The following OGA variants were observed in gnomAD, a reference collection of about 807,000 sequenced individuals.
OGA encodes the protein O-GlcNAcase.
OGA carries 21 observed loss-of-function variants against 102.0 expected under a neutral mutation model. The observed-to-expected ratio is 0.21, with a 90% CI of 0.15 to 0.30. OGA has a LOEUF of 0.30. Ranked by LOEUF, OGA falls within the 10% of genes least tolerant of loss-of-function variation. The probability of loss-of-function intolerance (pLI) is 1.00; values close to 1 mark genes in which losing one functional copy is unlikely to be tolerated. For missense variants in OGA, 765 were observed against 1,107.8 expected (o/e 0.69, Z 4.39); for synonymous variants, 408 against 378.2 (o/e 1.08, Z -0.91).
Position 101,786,594 on chromosome 10 carries a change from A to G in OGA, c.2615-7T>C. ...CAGAAAGCTCCCCGGGAGCCTAGAA[A>G]TAAAACAAATATTCAAAACATAAAT... On this transcript the variant is annotated splice_polypyrimidine_tract_variant and splice_region_variant and intron_variant, in intron 15 of 15. Coordinates refer to ENST00000361464, the MANE Select transcript of OGA (RefSeq NM_012215.5). 1 of 1,574,836 alleles carries G rather than the reference A, an allele frequency of 6.3e-7. No individual in the cohort carries two copies. The highest frequency in any genetic ancestry group is 1.4e-5 in the African/African-American group (1 of 72,996).
rs141270536 is a variant in OGA at position 101,792,937 on chromosome 10, G to A, written c.2077C>T (p.Leu693=). ...AGATCATTTGCCCCATCAATTGGCA[G>A]CAAACGCTGTGGGAAGAAAAAAAAG... ...GGLAGEFQRL[L]PIDGANDLFF... is the part of the protein sequence containing the mutation. Residue 693 remains leucine, a synonymous_variant, in exon 12 of 16, where the codon CTG becomes TTG. Coordinates refer to ENST00000361464, the MANE Select transcript of OGA (RefSeq NM_012215.5). The A allele has an allele frequency of 1.9e-6, 3 of 1,613,052 alleles. No homozygotes were observed. In the African/African-American group the frequency reaches 4.0e-5, roughly 22 times the overall value.
intron 1 of OGA, 24 bp downstream of exon 1, chr10:101,817,800 C>T (rs763271584): frequency 6.5e-7 from 1 of 1,535,428 alleles, no homozygotes; most frequent in South Asian, 1.2e-5. Context: ...AGTGCCAAAA[C>T]GGGGAGGGAA....
chr10:101,802,678 A>T (rs1423814514), intron 7 of OGA, among the ~76,000 whole-genome samples: 1 of 151,884 alleles, frequency 6.6e-6, no homozygotes, highest in Non-Finnish European at 1.5e-5. Flanking sequence ...TCAAAAAGAA[A>T]AAAAAAAAAC....
In OGA at chr10:101,805,140, G is replaced by A. The variant is rs1024328083; in HGVS notation, c.751+905C>T. 5.3e-5 allele frequency among the ~76,000 whole-genome samples: 8 copies of A among 151,210 alleles called. No homozygotes were observed. The South Asian group carries it at 1.5e-3, about 28-fold the overall frequency. On this transcript the variant is annotated intron_variant, in intron 6 of 15. Transcript: ENST00000361464. The stretch of plus-strand genomic sequence containing the variant: ...CAGCCTCTACCTCCCGGGCTCAAGT[G>A]ATCCTTCCACCTCAGCCCCCTAAGT...
chr10:101,793,681 T>A, intron 11 of OGA: 3 of 426,928 alleles, frequency 7.0e-6, no homozygotes, highest in South Asian at 4.9e-5. Flanking sequence ...ATGTGAAGTG[T>A]ATACCTAGAG....
chr10:101,787,337 C>T (rs935802597), intron 15 of OGA, 27 bp downstream of exon 15: 3 of 1,550,530 alleles, frequency 1.9e-6, no homozygotes, highest in Non-Finnish European at 2.6e-6. Flanking sequence ...TGCCCAAATA[C>T]CACCAACTCC....
Position 101,798,063 on chromosome 10 carries a change from C to G in OGA, c.1901G>C (p.Arg634Thr), listed in dbSNP as rs765200584. The change falls in exon 10 of 16, where the codon AGG becomes ACG. Residue 634 changes from arginine to threonine, a missense_variant. Coordinates refer to ENST00000361464, the MANE Select transcript of OGA (RefSeq NM_012215.5). ...GGAGTACATGTCATAAAGAATTGTC[C>G]TGTTGGCACAATTGGAGAGCCGAGT... Reference protein sequence around the residue: ...MFTRLSNCANRTILYDMYSYV... With the variant: ...MFTRLSNCANTTILYDMYSYV... 6 of 1,613,922 alleles carry G rather than the reference C, an allele frequency of 3.7e-6. No homozygotes were observed. The Admixed American group carries it at 1.0e-4, about 27-fold the overall frequency.
Position 101,792,824 on chromosome 10 carries a change from T to C in OGA, c.2175+15A>G, listed in dbSNP as rs188694073. On this transcript the variant is annotated intron_variant, in intron 12 of 15. Coordinates refer to ENST00000361464, the MANE Select transcript of OGA (RefSeq NM_012215.5). ...CATACCCATACACCAAGTTGGTAGG[T>C]AGAGAGACAATTACCTCATCCTTAG... 3.2e-6 allele frequency: 5 copies of C among 1,547,436 alleles called. No individual in the cohort carries two copies. The highest frequency in any genetic ancestry group is 2.2e-5 in the South Asian group (2 of 89,632).
chr10:101,806,266 G>A (rs545812604), intron 5 of OGA, 123 bp from the exon 6 acceptor site: 73 of 567,420 alleles, frequency 1.3e-4, no homozygotes, highest in South Asian at 8.9e-4. Context: ...GCAGTGGCAC[G>A]ATCTCGGCTC....
At chr10:101,790,398 G>A (rs2065245843) in intron 14 of OGA, among the ~76,000 whole-genome samples, 2 of 149,336 alleles carry the variant, frequency 1.3e-5, no homozygotes, top group Non-Finnish European at 3.0e-5. Context: ...TCAGCCTCCT[G>A]AGTAGCTGGC....
In OGA at chr10:101,785,506, T is replaced by C. The variant is rs1373554752; in HGVS notation, c.*945A>G. 2 of 152,634 alleles carry C rather than the reference T, an allele frequency of 1.3e-5. No individual in the cohort carries two copies. Among genetic ancestry groups the C allele is most frequent in the Non-Finnish European group, 2.9e-5 (2 of 68,044 alleles). The allele number at this position is 152,634 out of a possible 1,614,324, so 9.5% of individuals were successfully genotyped here. A position where few individuals can be genotyped will look rare whatever the true frequency, so the allele number is the denominator to read the frequency against. ...TAATATTGAGGTTAATTTCCAGAAG[T>C]AACTGCACTTTTCAACAGATTAAGT... On this transcript the variant is annotated 3_prime_UTR_variant, in exon 16 of 16. Transcript: ENST00000361464.
chr10:101,785,315 C>A lies in OGA; in HGVS notation c.*1136G>T, dbSNP rs1228375114. 1 of 152,326 alleles carries A rather than the reference C, an allele frequency of 6.6e-6. No homozygotes were observed. Among genetic ancestry groups the A allele is most frequent in the Non-Finnish European group, 1.5e-5 (1 of 68,042 alleles). 9.4% of individuals were successfully genotyped at this position (152,326 alleles called of 1,614,324 possible). A position where few individuals can be genotyped will look rare whatever the true frequency, so the allele number is the denominator to read the frequency against. ...TGTAAATAACTGGTTAAAGTGTGCT[C>A]ATTCATTCAGAAATTAGATACAAAC... is the stretch of plus-strand genomic sequence containing the variant. On this transcript the variant is annotated 3_prime_UTR_variant, in exon 16 of 16. Transcript: ENST00000361464.
In OGA at chr10:101,818,053, G is replaced by T; in HGVS notation, c.-31C>A. The T allele has an allele frequency of 1.3e-6, 2 of 1,536,492 alleles. No homozygotes were observed. Among genetic ancestry groups the T allele is most frequent in the Non-Finnish European group, 1.8e-6 (2 of 1,137,650 alleles). On this transcript the variant is annotated 5_prime_UTR_variant, in exon 1 of 16. Transcript: ENST00000361464. ...TGCCCCCGGCCGCTGCCACCTCTGC[G>T]GGTCCTCCTCGACCTCTGTCCGTTG...
At position 101,813,591 on chromosome 10, in the gene OGA, G is replaced by T; in HGVS notation, c.215C>A (p.Pro72His). 1 of 1,556,752 alleles carries T rather than the reference G, an allele frequency of 6.4e-7. No homozygotes were observed. Among genetic ancestry groups the T allele is most frequent in the Non-Finnish European group, 8.8e-7 (1 of 1,135,888 alleles). Residue 72 changes from proline (P) to histidine (H), a missense_variant, in exon 2 of 16, where the codon CCT becomes CAT. This residue lies in a region of OGA where 165 missense variants were observed against 249.7 expected (regional missense o/e 0.66). Coordinates refer to ENST00000361464, the MANE Select transcript of OGA (RefSeq NM_012215.5). The part of the protein sequence containing the change: ...CGVVEGFYGR[P>H]WVMEQRKELF... ...TTCTTTTCTCTGTTCCATAACCCAA[G>T]GTCTTCCATAAAATCCTAGATTCAA...
At position 101,786,172 on chromosome 10, in the gene OGA, C is replaced by A; in HGVS notation, c.*279G>T. On this transcript the variant is annotated 3_prime_UTR_variant, in exon 16 of 16. Coordinates refer to ENST00000361464, the MANE Select transcript of OGA (RefSeq NM_012215.5). Reference sequence around the variant, plus strand: ...GCTGACTACATTTATTGAAGACTCTCTCCCTGTATAAGCCCATGTAAAAGG... The same window carrying A: ...GCTGACTACATTTATTGAAGACTCTATCCCTGTATAAGCCCATGTAAAAGG... The A allele has an allele frequency of 3.9e-6, 1 of 259,270 alleles. No individual in the cohort carries two copies. The highest frequency in any genetic ancestry group is 7.2e-6 in the Non-Finnish European group (1 of 138,490). 16.1% of individuals were successfully genotyped at this position (259,270 alleles called of 1,614,324 possible).
intron 1 of OGA, 29 bp from the exon 2 acceptor site, chr10:101,813,635 T>C (rs1296327073): frequency 1.4e-6 from 2 of 1,403,266 alleles, no homozygotes; most frequent in Non-Finnish European, 2.0e-6. Flanking sequence ...TGAAATTATA[T>C]TCAGTTTTAA....
chr10:101,810,392 G>GTTAT lies in OGA; in HGVS notation c.350-82_350-79dup, dbSNP rs35977547. The stretch of plus-strand genomic sequence containing the variant: ...CTTCACTGAAGGTTTAACTGAAGAG[G>GTTAT]TTATTTCTTCTAACTTACAAGAAAG... On this transcript the variant is annotated intron_variant, in intron 3 of 15. Transcript: ENST00000361464. 5.3e-4 allele frequency: 682 copies of GTTAT among 1,293,656 alleles called. 12 individuals carry two copies. In the East Asian group the frequency reaches 0.016, roughly 31 times the overall value. 80.1% of individuals were successfully genotyped at this position (1,293,656 alleles called of 1,614,324 possible).
intron 6 of OGA, among the ~76,000 whole-genome samples, chr10:101,804,417 C>A (rs913423261): frequency 2.0e-5 from 3 of 150,804 alleles, no homozygotes; most frequent in Non-Finnish European, 4.4e-5. Flanking sequence ...GGACTACAGG[C>A]GCCCTCCACC....
intron 10 of OGA, among the ~76,000 whole-genome samples, chr10:101,795,416 G>A (rs932407534): frequency 5.9e-5 from 9 of 152,140 alleles, no homozygotes; most frequent in African/African-American, 1.9e-4. Flanking sequence ...TAATCATGAC[G>A]CGCTGTGAAC....
Sources: gnomAD v4.1 joint callset for allele counts (sites outside exome capture counted in the v4.1 genomes callset) on GRCh38, gnomAD v4.1.1 for gene constraint, gnomAD v4.1.1 regional missense constraint, MANE v1.5 for transcripts, NCBI Gene and HGNC (gene_info 2026-07-23, HGNC 2026-07-21) for gene names.